Variants in BTBD8 observed in about 807,000 individuals in gnomAD.
BTBD8 encodes the protein BTB domain containing 8.
In BTBD8, 110 loss-of-function variants were observed where a neutral mutation model predicts 162.9. The observed-to-expected ratio is 0.68, with a 90% CI of 0.58 to 0.79. The LOEUF (loss-of-function observed/expected upper bound fraction) is 0.79, where lower values mean the gene tolerates loss of function less well. Among genes scored for constraint, BTBD8 ranks in the 30% least tolerant of loss-of-function variants. The pLI, the probability that BTBD8 is intolerant of heterozygous loss-of-function variation, is 0.00. For missense variants in BTBD8, 1,905 were observed against 2,085.4 expected (o/e 0.91, Z 1.68); for synonymous variants, 667 against 716.1 (o/e 0.93, Z 1.10).
Position 92,182,540 on chromosome 1 carries a change from A to C in BTBD8, c.4857A>C (p.Pro1619=). Residue 1619 remains proline, a synonymous_variant, in exon 17 of 18, where the codon CCA becomes CCC. Transcript: ENST00000636805. The stretch of plus-strand genomic sequence containing the variant: ...GTCAAGTTCTGCCTCAGGAAGGTCC[A>C]GTGAAAGAGAGCCATTCTACAACTA... The part of the protein sequence containing the change: ...FRSQVLPQEG[P]VKESHSTTTE... 2 of 1,534,752 alleles carry C rather than the reference A, an allele frequency of 1.3e-6. No homozygotes were observed. The highest frequency in any genetic ancestry group is 1.8e-6 in the Non-Finnish European group (2 of 1,142,604).
intron 2 of BTBD8, among the ~76,000 whole-genome samples, chr1:92,099,452 A>G (rs964288124): frequency 6.6e-6 from 1 of 151,456 alleles, no homozygotes; most frequent in Non-Finnish European, 1.5e-5. Context: ...TGGAATTTTA[A>G]TAGAGATTGC....
intron 6 of BTBD8, among the ~76,000 whole-genome samples, chr1:92,140,143 C>G (rs578054760): frequency 6.7e-6 from 1 of 149,256 alleles, no homozygotes; most frequent in African/African-American, 2.5e-5. Flanking sequence ...GGGCATTTGC[C>G]AGGCGTGATG....
rs1375257667 is a variant in BTBD8 at position 92,181,982 on chromosome 1, G to A, written c.4299G>A (p.Lys1433=). Residue 1433 remains lysine, a synonymous_variant, in exon 17 of 18, where the codon AAG becomes AAA. Coordinates refer to ENST00000636805, the MANE Select transcript of BTBD8 (RefSeq NM_001376131.1). ...NECREFSATK[K]FKRSVLLSVD... ...GTCGTGAATTTTCTGCAACTAAAAAGTTTAAAAGGTCAGTTTTACTTTCAG... is the reference window on the plus strand; with the variant it reads ...GTCGTGAATTTTCTGCAACTAAAAAATTTAAAAGGTCAGTTTTACTTTCAG... 6.4e-7 allele frequency: 1 copy of A among 1,551,428 alleles called. No individual in the cohort carries two copies. Among genetic ancestry groups the A allele is most frequent in the Admixed American group, 2.0e-5 (1 of 50,962 alleles).
Position 92,107,749 on chromosome 1 carries a change from T to C in BTBD8, c.545-135T>C, listed in dbSNP as rs1648771628. 5 of 679,274 alleles carry C rather than the reference T, an allele frequency of 7.4e-6. No individual in the cohort carries two copies. In the South Asian group the frequency reaches 8.1e-5, roughly 11 times the overall value. The allele number at this position is 679,274 out of a possible 1,614,324, so 42.1% of individuals were successfully genotyped here. On this transcript the variant is annotated intron_variant, in intron 3 of 17. Coordinates refer to ENST00000636805, the MANE Select transcript of BTBD8 (RefSeq NM_001376131.1). ...TCTAGATGATTTAAACTTTTTGTTT[T>C]ATTTTTAATTTACCACTTACATATT...
intron 2 of BTBD8, among the ~76,000 whole-genome samples, chr1:92,090,524 C>A (rs916987094): frequency 5.9e-5 from 9 of 152,114 alleles, no homozygotes; most frequent in African/African-American, 2.2e-4. Flanking sequence ...TTTATATATT[C>A]TGTAATATTA....
Position 92,177,660 on chromosome 1 carries a change from C to T in BTBD8, c.2353+114C>T, listed in dbSNP as rs561066864. 3.6e-6 allele frequency: 3 copies of T among 837,338 alleles called. No homozygotes were observed. The Admixed American group carries it at 8.4e-5, about 24-fold the overall frequency. 51.9% of individuals were successfully genotyped at this position (837,338 alleles called of 1,614,324 possible). ...TTTAGTTTCAGATGCCAACAGAATACTTATGTATATGTACTTATGCAAACA... is the reference window on the plus strand; with the variant it reads ...TTTAGTTTCAGATGCCAACAGAATATTTATGTATATGTACTTATGCAAACA... On this transcript the variant is annotated intron_variant, in intron 14 of 17. Coordinates refer to ENST00000636805, the MANE Select transcript of BTBD8 (RefSeq NM_001376131.1).
rs1650424838 is a variant in BTBD8, at chr1:92,167,875, C to T, written c.1333C>T (p.Leu445=). ...QSQAMSSTAD[L]LDTILKAIEE... is the part of the protein sequence containing the mutation. ...ACAAGCAATGAGCAGCACAGCCGAT[C>T]TGTTGGACACAATTTTAAAAGCAAT... The change falls in exon 11 of 18, where the codon CTG becomes TTG. Residue 445 remains leucine (L), a synonymous_variant. Transcript: ENST00000636805. The T allele has an allele frequency of 6.4e-7, 1 of 1,550,582 alleles. No individual in the cohort carries two copies. The highest frequency in any genetic ancestry group is 8.7e-7 in the Non-Finnish European group (1 of 1,146,280).
intron 5 of BTBD8, among the ~76,000 whole-genome samples, chr1:92,130,638 C>T (rs1004863264): frequency 6.6e-6 from 1 of 151,902 alleles, no homozygotes; most frequent in Non-Finnish European, 1.5e-5. Context: ...CCAGTTATCT[C>T]AAAAGGATCT....
At chr1:92,131,376 G>A (rs1649510772) in intron 5 of BTBD8, among the ~76,000 whole-genome samples, 1 of 152,120 alleles carries the variant, frequency 6.6e-6, no homozygotes, top group Admixed American at 6.5e-5. Context: ...TTCACTACTT[G>A]TATCTACCTT....
chr1:92,105,732 G>A (rs1648709716), intron 3 of BTBD8, among the ~76,000 whole-genome samples: 1 of 152,202 alleles, frequency 6.6e-6, no homozygotes, highest in Non-Finnish European at 1.5e-5. Flanking sequence ...TATGAACAAA[G>A]AACAATTCAT....
intron 2 of BTBD8, among the ~76,000 whole-genome samples, chr1:92,092,092 G>A (rs1648319026): frequency 6.6e-6 from 1 of 152,092 alleles, no homozygotes. Flanking sequence ...GTCTTCATAA[G>A]GATTAGTGCC....
intron 5 of BTBD8, among the ~76,000 whole-genome samples, chr1:92,133,828 G>A (rs536465681): frequency 2.6e-5 from 4 of 152,108 alleles, no homozygotes; most frequent in Non-Finnish European, 5.9e-5. Context: ...AAATTAGCCG[G>A]GCGTGGTGGC....
At chr1:92,122,014 T>G (rs57646033) in intron 4 of BTBD8, among the ~76,000 whole-genome samples, 2,200 of 152,058 alleles carry the variant, frequency 0.014, 61 homozygotes, top group African/African-American at 0.051. Flanking sequence ...ATTATTGTGT[T>G]CTCTACACTG....
At position 92,124,286 on chromosome 1, in the gene BTBD8, A is replaced by T. The variant is rs527609064; in HGVS notation, c.663-5401A>T. Among the ~76,000 whole-genome samples the T allele has an allele frequency of 1.5e-3, 224 of 152,168 alleles. 1 individual carries two copies. The highest frequency in any genetic ancestry group is 5.2e-3 in the African/African-American group (214 of 41,512). The stretch of plus-strand genomic sequence containing the variant: ...TTTTTTTGCTTCTTTTCTTAAATAT[A>T]TATATTTTGTCCATCTTTCCTAAGC... On this transcript the variant is annotated intron_variant, in intron 4 of 17. Coordinates refer to ENST00000636805, the MANE Select transcript of BTBD8 (RefSeq NM_001376131.1).
intron 9 of BTBD8, among the ~76,000 whole-genome samples, chr1:92,163,775 A>G (rs1650322665): frequency 6.6e-6 from 1 of 152,078 alleles, no homozygotes; most frequent in Non-Finnish European, 1.5e-5. Context: ...ATCTCGAGGT[A>G]CTCTAACATT....
intron 7 of BTBD8, among the ~76,000 whole-genome samples, chr1:92,145,772 G>C (rs1649896698): frequency 6.6e-6 from 1 of 151,944 alleles, no homozygotes; most frequent in East Asian, 1.9e-4. Context: ...ACGAGACCAG[G>C]AGTTCAAGAC....
intron 9 of BTBD8, among the ~76,000 whole-genome samples, chr1:92,164,604 G>A (rs889519837): frequency 1.3e-5 from 2 of 151,386 alleles, no homozygotes; most frequent in Non-Finnish European, 3.0e-5. Flanking sequence ...GGGTGACAGA[G>A]CGAGACCCCG....
In BTBD8 at chr1:92,181,409, G is replaced by C. The variant is rs1650902136; in HGVS notation, c.3726G>C (p.Leu1242=). The C allele has an allele frequency of 6.4e-7, 1 of 1,551,652 alleles. No homozygotes were observed. ...ACTGGAATTTGAGTACTGGTGTTCT[G>C]CATCAGCGAGAGAGTCCTGAATCTG... is the stretch of plus-strand genomic sequence containing the variant. The part of the protein sequence containing the change: ...VGHWNLSTGV[L]HQRESPESDT... The change falls in exon 17 of 18, where the codon CTG becomes CTC. Residue 1242 remains leucine, a synonymous_variant. Coordinates refer to ENST00000636805, the MANE Select transcript of BTBD8 (RefSeq NM_001376131.1).
chr1:92,135,737 A>T (rs1372271739), intron 5 of BTBD8, among the ~76,000 whole-genome samples: 1 of 152,216 alleles, frequency 6.6e-6, no homozygotes, highest in African/African-American at 2.4e-5. Context: ...TTTTTATAGT[A>T]TCATATATAT....
Sources: allele counts gnomAD v4.1 joint callset (sites outside exome capture counted in the v4.1 genomes callset), GRCh38; gene constraint gnomAD v4.1.1; transcripts MANE v1.5; gene names NCBI Gene and HGNC (gene_info 2026-07-23, HGNC 2026-07-21).